The following FAF1 variants were observed in gnomAD, a reference collection of about 807,000 sequenced individuals.
FAF1 encodes the protein Fas associated factor 1.
FAF1 carries 25 observed loss-of-function variants against 92.5 expected under a neutral mutation model. The observed-to-expected ratio is 0.27, with a 90% CI of 0.20 to 0.38. The LOEUF is 0.38. Ranked by LOEUF, FAF1 falls within the 10% of genes least tolerant of loss-of-function variation. The pLI is 1.00. For synonymous variants in FAF1, 234 were observed against 273.2 expected (o/e 0.86, Z 1.42); for missense variants, 636 against 793.3 (o/e 0.80, Z 2.38).
At chr1:50,600,037 CT>C (rs981050182) in intron 8 of FAF1, among the ~76,000 whole-genome samples, 2 of 152,064 alleles carry the variant, frequency 1.3e-5, no homozygotes, top group Non-Finnish European at 2.9e-5. Context: ...GATACTCAAC[CT>C]GTGATTGAGT....
At chr1:50,734,505 C>T (rs902554354) in intron 6 of FAF1, among the ~76,000 whole-genome samples, 3 of 151,950 alleles carry the variant, frequency 2.0e-5, no homozygotes, top group Admixed American at 1.3e-4. Flanking sequence ...GAAGCCGAGG[C>T]GGGTGGATCA....
chr1:50,743,607 C>T (rs1008719696), intron 5 of FAF1, among the ~76,000 whole-genome samples: 32 of 152,010 alleles, frequency 2.1e-4, no homozygotes, highest in African/African-American at 7.7e-4. Context: ...GGATTATAGG[C>T]GTGAGCCACT....
chr1:50,792,615 AAGT>A (rs1661604287), intron 3 of FAF1, among the ~76,000 whole-genome samples: 1 of 152,256 alleles, frequency 6.6e-6, no homozygotes, highest in Non-Finnish European at 1.5e-5. Context: ...AGGAATGCTG[AAGT>A]AGATTTACCA....
intron 7 of FAF1, among the ~76,000 whole-genome samples, chr1:50,669,287 T>G (rs1655765795): frequency 6.6e-6 from 1 of 152,020 alleles, no homozygotes; most frequent in South Asian, 2.1e-4. Context: ...CTATGGAGGC[T>G]TCCATAAAAA....
At chr1:50,946,506 A>C (rs1381901116) in intron 1 of FAF1, among the ~76,000 whole-genome samples, 1 of 152,210 alleles carries the variant, frequency 6.6e-6, no homozygotes, top group Non-Finnish European at 1.5e-5. Flanking sequence ...AATTCTGTTA[A>C]CCAACCTATG....
chr1:50,616,539 G>C (rs1652920429), intron 8 of FAF1, among the ~76,000 whole-genome samples: 1 of 151,978 alleles, frequency 6.6e-6, no homozygotes, highest in Non-Finnish European at 1.5e-5. Context: ...TCTCATTTTA[G>C]AGATCTTCCA....
intron 18 of FAF1, among the ~76,000 whole-genome samples, chr1:50,443,953 G>A (rs955834882): frequency 6.6e-6 from 1 of 152,044 alleles, no homozygotes; most frequent in East Asian, 1.9e-4. Context: ...GGAGACCCCC[G>A]TCTACAGCCT....
intron 7 of FAF1, among the ~76,000 whole-genome samples, chr1:50,663,824 T>G (rs960032848): frequency 6.6e-6 from 1 of 151,426 alleles, no homozygotes; most frequent in African/African-American, 2.4e-5. Context: ...CTTTTGAGAA[T>G]AAATATAATT....
At chr1:50,918,940 C>T (rs1644941787) in intron 1 of FAF1, among the ~76,000 whole-genome samples, 1 of 151,800 alleles carries the variant, frequency 6.6e-6, no homozygotes, top group African/African-American at 2.4e-5. Flanking sequence ...TCTCTGATGG[C>T]CAGTGATGAT....
At chr1:50,662,773 C>T (rs1018567787) in intron 7 of FAF1, among the ~76,000 whole-genome samples, 2 of 130,904 alleles carry the variant, frequency 1.5e-5, no homozygotes, top group African/African-American at 5.9e-5. Context: ...TCTTGGCTCA[C>T]TGCTGCTAGC....
At chr1:50,713,076 C>T (rs931999476) in intron 6 of FAF1, among the ~76,000 whole-genome samples, 1 of 144,526 alleles carries the variant, frequency 6.9e-6, no homozygotes, top group Non-Finnish European at 1.5e-5. Flanking sequence ...GGGAGGACCT[C>T]TTGAGGATAG....
chr1:50,924,551 A>G (rs1644989210), intron 1 of FAF1, among the ~76,000 whole-genome samples: 2 of 152,256 alleles, frequency 1.3e-5, no homozygotes, highest in Non-Finnish European at 2.9e-5. Context: ...ACAGAAATAG[A>G]AAAAGCAATC....
At chr1:50,477,068 T>A (rs1188758969) in intron 17 of FAF1, among the ~76,000 whole-genome samples, 1 of 152,234 alleles carries the variant, frequency 6.6e-6, no homozygotes, top group Non-Finnish European at 1.5e-5. Flanking sequence ...AGAAAAAGTT[T>A]GCTCAGACAC....
intron 1 of FAF1, among the ~76,000 whole-genome samples, chr1:50,927,247 TTA>T (rs1014025397): frequency 6.6e-6 from 1 of 152,140 alleles, no homozygotes; most frequent in Non-Finnish European, 1.5e-5. Flanking sequence ...AGGGTAAATT[TTA>T]TGTTATGTAT....
chr1:50,850,269 C>T lies in FAF1; in HGVS notation c.114+7660G>A, dbSNP rs376573665. Among the ~76,000 whole-genome samples the T allele has an allele frequency of 1.8e-4, 27 of 152,246 alleles. No homozygotes were observed. The South Asian group carries it at 5.2e-3, about 29-fold the overall frequency. ...TAACTAGCTGGATTACGAAGCTATA[C>T]ATACTCCAGGAGTTATGGAAACTCA... On this transcript the variant is annotated intron_variant, in intron 2 of 18. Transcript: ENST00000396153.
chr1:50,702,811 T>C (rs1178583104), intron 7 of FAF1, among the ~76,000 whole-genome samples: 4 of 152,144 alleles, frequency 2.6e-5, no homozygotes, highest in African/African-American at 9.7e-5. Flanking sequence ...ATATGGTCAT[T>C]GAATAGTTTA....
At chr1:50,717,387 G>A (rs1658221534) in intron 6 of FAF1, among the ~76,000 whole-genome samples, 1 of 152,126 alleles carries the variant, frequency 6.6e-6, no homozygotes. Flanking sequence ...TCTGCCTTGG[G>A]AGGACACAAT....
chr1:50,589,722 C>T (rs1395674631), intron 9 of FAF1, among the ~76,000 whole-genome samples: 1 of 152,078 alleles, frequency 6.6e-6, no homozygotes, highest in Non-Finnish European at 1.5e-5. Flanking sequence ...GTTACCTGTG[C>T]CATTAGTGTC....
chr1:50,824,605 C>T (rs1644076821), intron 2 of FAF1, among the ~76,000 whole-genome samples: 1 of 152,090 alleles, frequency 6.6e-6, no homozygotes, highest in Non-Finnish European at 1.5e-5. Flanking sequence ...TGTAGCAATT[C>T]CACTGCAGGG....
Sources: allele counts gnomAD v4.1 joint callset (sites outside exome capture counted in the v4.1 genomes callset), GRCh38; gene constraint gnomAD v4.1.1; transcripts MANE v1.5; gene names NCBI Gene and HGNC (gene_info 2026-07-23, HGNC 2026-07-21).